PPARGC1A: variants seen among roughly 807,000 people sequenced by gnomAD.
The protein encoded by PPARGC1A is peroxisome proliferator-activated receptor gamma coactivator 1-alpha.
A neutral mutation model predicts 88.7 loss-of-function variants in PPARGC1A; 25 were observed. The ratio of observed to expected loss-of-function variants is 0.28; its 90% CI spans 0.21 to 0.39. The LOEUF (loss-of-function observed/expected upper bound fraction) is 0.39, where lower values mean the gene tolerates loss of function less well. PPARGC1A is among the 10% of genes least tolerant of loss of function. PPARGC1A has a pLI of 1.00. For missense variants in PPARGC1A, 880 were observed against 968.7 expected (o/e 0.91, Z 1.22); for synonymous variants, 363 against 355.6 (o/e 1.02, Z -0.24).
the PPARGC1A span, among the ~76,000 whole-genome samples, chr4:24,002,756 C>A: frequency 6.6e-6 from 1 of 152,092 alleles, no homozygotes; most frequent in East Asian, 1.9e-4. Flanking sequence ...CTTGTAGTGT[C>A]CTTCATTAAA....
At chr4:24,439,222 A>C in the PPARGC1A span, among the ~76,000 whole-genome samples, 1 of 152,294 alleles carries the variant, frequency 6.6e-6, no homozygotes, top group African/African-American at 2.4e-5. Flanking sequence ...TGATGCAATA[A>C]TGGCTTTCCA....
the PPARGC1A span, among the ~76,000 whole-genome samples, chr4:24,465,474 TAC>T: frequency 3.3e-5 from 5 of 152,354 alleles, no homozygotes; most frequent in East Asian, 7.7e-4. Context: ...CCGTCTGCTG[TAC>T]ACATTTACCT....
chr4:24,366,401 G>C, the PPARGC1A span, among the ~76,000 whole-genome samples: 1 of 152,060 alleles, frequency 6.6e-6, no homozygotes, highest in Non-Finnish European at 1.5e-5. Flanking sequence ...TTCTATTCTG[G>C]AAAGAATTGA....
chr4:24,201,650 A>C, the PPARGC1A span, among the ~76,000 whole-genome samples: 1 of 152,228 alleles, frequency 6.6e-6, no homozygotes, highest in Non-Finnish European at 1.5e-5. Context: ...TTATATAAGG[A>C]ACATATAAAT....
At chr4:24,178,210 G>A in the PPARGC1A span, among the ~76,000 whole-genome samples, 7 of 152,190 alleles carry the variant, frequency 4.6e-5, no homozygotes, top group South Asian at 4.1e-4. Flanking sequence ...GCAACTCACT[G>A]AGATTTAAGT....
At chr4:24,344,103 T>TTA in the PPARGC1A span, among the ~76,000 whole-genome samples, 1,952 of 151,174 alleles carry the variant, frequency 0.013, 29 homozygotes, top group Admixed American at 0.038. Flanking sequence ...TAGTATTCCA[T>TTA]TATATATATA....
intron 7 of PPARGC1A, among the ~76,000 whole-genome samples, chr4:23,816,374 C>G (rs1464406535): frequency 1.3e-5 from 2 of 152,188 alleles, no homozygotes; most frequent in Non-Finnish European, 2.9e-5. Flanking sequence ...TGTTTCCTCT[C>G]TCATAGATAA....
At chr4:23,898,026 AG>A (rs1264105177) in intron 1 of PPARGC1A, among the ~76,000 whole-genome samples, 3 of 152,252 alleles carry the variant, frequency 2.0e-5, no homozygotes, top group Non-Finnish European at 4.4e-5. Context: ...TATTATATTC[AG>A]GGTTTTGTAA....
the PPARGC1A span, among the ~76,000 whole-genome samples, chr4:24,095,635 G>C: frequency 1.3e-5 from 2 of 152,110 alleles, no homozygotes; most frequent in Non-Finnish European, 2.9e-5. Flanking sequence ...CTAGGAGAGA[G>C]GCAGTGTCCT....
At chr4:24,342,836 C>G in the PPARGC1A span, among the ~76,000 whole-genome samples, 1 of 152,194 alleles carries the variant, frequency 6.6e-6, no homozygotes, top group Admixed American at 6.5e-5. Context: ...ATACCTTGCT[C>G]TGCTAGCTGA....
At chr4:23,912,547 T>G in the PPARGC1A span, among the ~76,000 whole-genome samples, 2 of 152,126 alleles carry the variant, frequency 1.3e-5, no homozygotes, top group African/African-American at 4.8e-5. Flanking sequence ...TTGATTTAGG[T>G]AAAGCAGATG....
At chr4:24,272,486 T>C in the PPARGC1A span, among the ~76,000 whole-genome samples, 6 of 152,022 alleles carry the variant, frequency 3.9e-5, no homozygotes, top group African/African-American at 1.2e-4. Flanking sequence ...AGGCCCTAAT[T>C]TAGAAATTTA....
At chr4:23,828,939 C>T (rs1724508465) in intron 4 of PPARGC1A, among the ~76,000 whole-genome samples, 1 of 152,154 alleles carries the variant, frequency 6.6e-6, no homozygotes, top group African/African-American at 2.4e-5. Flanking sequence ...ACGCCCAGTA[C>T]TCACAACTCT....
the PPARGC1A span, among the ~76,000 whole-genome samples, chr4:24,336,773 C>T: frequency 2.6e-4 from 40 of 152,202 alleles, no homozygotes; most frequent in African/African-American, 8.9e-4. Flanking sequence ...ATAAATAACG[C>T]TGCCATGAGG....
At chr4:24,377,135 T>C in the PPARGC1A span, among the ~76,000 whole-genome samples, 1 of 151,934 alleles carries the variant, frequency 6.6e-6, no homozygotes. Flanking sequence ...GAAAGACCTG[T>C]AGTAATGAAA....
intron 2 of PPARGC1A, among the ~76,000 whole-genome samples, chr4:23,847,553 T>C (rs1004771814): frequency 9.2e-5 from 14 of 152,150 alleles, no homozygotes; most frequent in Non-Finnish European, 1.8e-4. Flanking sequence ...GAATCACAGA[T>C]CACATTAGAG....
chr4:24,100,419 C>A, the PPARGC1A span, among the ~76,000 whole-genome samples: 1 of 152,218 alleles, frequency 6.6e-6, no homozygotes, highest in African/African-American at 2.4e-5. Context: ...CAAAATTCTG[C>A]AAGGATTTTT....
the PPARGC1A span, among the ~76,000 whole-genome samples, chr4:24,415,372 G>C: frequency 2.6e-5 from 4 of 152,046 alleles, no homozygotes; most frequent in African/African-American, 9.7e-5. Flanking sequence ...ATTACCAATA[G>C]CCACACAGCA....
the PPARGC1A span, among the ~76,000 whole-genome samples, chr4:24,030,398 A>C: frequency 7.2e-5 from 11 of 152,242 alleles, no homozygotes; most frequent in African/African-American, 2.4e-4. Flanking sequence ...AGTCTGAGAA[A>C]GGTTTACATT....
Sources: allele counts gnomAD v4.1 joint callset (sites outside exome capture counted in the v4.1 genomes callset), GRCh38; gene constraint gnomAD v4.1.1; transcripts MANE v1.5; gene names NCBI Gene and HGNC (gene_info 2026-07-23, HGNC 2026-07-21).